CNTN5: variants seen among roughly 807,000 people sequenced by gnomAD.
CNTN5 encodes contactin-5.
A neutral mutation model predicts 129.1 loss-of-function variants in CNTN5; 77 were observed. That is an observed-to-expected ratio of 0.60 (90% CI 0.50 to 0.72). The LOEUF is 0.72. Among genes scored for constraint, CNTN5 ranks in the 30% least tolerant of loss-of-function variants. The pLI, the probability that CNTN5 is intolerant of heterozygous loss-of-function variation, is 0.00. For synonymous variants in CNTN5, 509 were observed against 465.6 expected, an observed-to-expected ratio of 1.09 and a Z score of -1.20; for missense variants, 1,478 against 1,328.8, an observed-to-expected ratio of 1.11 and a Z score of -1.75.
rs188029708 is a variant in CNTN5 at position 99,207,690 on chromosome 11, G to T, written c.-209-117656G>T. Among the ~76,000 whole-genome samples the T allele has an allele frequency of 3.5e-3, 532 of 152,120 alleles. 7 individuals carry two copies. Among genetic ancestry groups the T allele is most frequent in the African/African-American group, 0.012 (515 of 41,512 alleles). On this transcript the variant is annotated intron_variant, in intron 1 of 24. Coordinates refer to ENST00000524871, the MANE Select transcript of CNTN5 (RefSeq NM_014361.4). ...ATTGAAAACATCAAAAAATAATTTTGCTTATAACAAAATACAAACATTAAA... is the reference window on the plus strand; with the variant it reads ...ATTGAAAACATCAAAAAATAATTTTTCTTATAACAAAATACAAACATTAAA...
At chr11:99,685,556 A>G (rs1327588134) in intron 3 of CNTN5, among the ~76,000 whole-genome samples, 1 of 151,902 alleles carries the variant, frequency 6.6e-6, no homozygotes, top group African/African-American at 2.4e-5. Flanking sequence ...CTAATTTAAA[A>G]TTATTTTATC....
chr11:99,454,858 A>T (rs756710435), intron 2 of CNTN5, among the ~76,000 whole-genome samples: 1 of 152,088 alleles, frequency 6.6e-6, no homozygotes, highest in East Asian at 1.9e-4. Flanking sequence ...TATAAATCAC[A>T]GTCTATCTGT....
chr11:99,385,570 A>G (rs1208481740), intron 2 of CNTN5, among the ~76,000 whole-genome samples: 4 of 152,260 alleles, frequency 2.6e-5, no homozygotes, highest in Non-Finnish European at 5.9e-5. Flanking sequence ...TCAATAAAGT[A>G]TGACATAGTA....
chr11:99,582,831 G>A (rs895401291), intron 3 of CNTN5, among the ~76,000 whole-genome samples: 9 of 152,186 alleles, frequency 5.9e-5, no homozygotes, highest in African/African-American at 2.2e-4. Flanking sequence ...ACTCGTCAAA[G>A]TCATTCCCTG....
intron 1 of CNTN5, among the ~76,000 whole-genome samples, chr11:99,192,697 C>T (rs1322759927): frequency 1.3e-5 from 2 of 151,878 alleles, no homozygotes; most frequent in African/African-American, 2.4e-5. Flanking sequence ...TGAAGCTTAG[C>T]TAAAACATGC....
chr11:100,039,386 C>G (rs973327242), intron 9 of CNTN5, among the ~76,000 whole-genome samples: 27 of 152,150 alleles, frequency 1.8e-4, no homozygotes, highest in African/African-American at 6.5e-4. Flanking sequence ...ACCTTTCTCT[C>G]TGGTTGCCCT....
chr11:99,108,029 G>T (rs1450214295), intron 1 of CNTN5, among the ~76,000 whole-genome samples: 1 of 150,552 alleles, frequency 6.6e-6, no homozygotes, highest in African/African-American at 2.4e-5. Context: ...ACTGGACTAT[G>T]AATCGTTTGA....
chr11:99,908,445 A>T (rs1363983839), intron 6 of CNTN5, among the ~76,000 whole-genome samples: 4 of 151,868 alleles, frequency 2.6e-5, no homozygotes, highest in African/African-American at 9.7e-5. Context: ...ATCCTTTCAC[A>T]TTTTTCTTTT....
chr11:100,199,232 G>A (rs185790681), intron 15 of CNTN5, among the ~76,000 whole-genome samples: 19 of 151,394 alleles, frequency 1.3e-4, no homozygotes, highest in Middle Eastern at 3.4e-3. Context: ...AAGGCTCACA[G>A]TCTCTTAGAC....
intron 3 of CNTN5, among the ~76,000 whole-genome samples, chr11:99,748,733 A>G (rs1438985652): frequency 4.6e-5 from 7 of 152,176 alleles, no homozygotes. Context: ...CTAGCTCCAG[A>G]AGAAAGACTG....
intron 15 of CNTN5, among the ~76,000 whole-genome samples, chr11:100,205,705 A>G (rs1310344845): frequency 6.6e-6 from 1 of 152,006 alleles, no homozygotes; most frequent in African/African-American, 2.4e-5. Flanking sequence ...GTACAGTATA[A>G]CAACTATTTA....
At chr11:100,332,322 C>T (rs11534484) in intron 21 of CNTN5, among the ~76,000 whole-genome samples, 17,778 of 151,502 alleles carry the variant, frequency 0.12, 1,160 homozygotes, top group Middle Eastern at 0.17. Flanking sequence ...TAATGAGCAG[C>T]GAGATTAAAA....
At chr11:99,709,537 T>C (rs1373479825) in intron 3 of CNTN5, among the ~76,000 whole-genome samples, 1 of 151,834 alleles carries the variant, frequency 6.6e-6, no homozygotes, top group Admixed American at 6.6e-5. Context: ...TATATACATA[T>C]GTGCATAATT....
chr11:100,255,650 T>G, intron 16 of CNTN5, 110 bp from the exon 17 acceptor site: 1 of 905,610 alleles, frequency 1.1e-6, no homozygotes, highest in Non-Finnish European at 1.6e-6. Flanking sequence ...TAAATTCATA[T>G]TTCATTAAGG....
rs1158392250 is a variant in CNTN5 at position 99,889,350 on chromosome 11, G to T, written c.578-26704G>T. 4.7e-5 allele frequency among the ~76,000 whole-genome samples: 2 copies of T among 42,938 alleles called. 1 individual carries two copies. The highest frequency in any genetic ancestry group is 1.4e-4 in the African/African-American group (2 of 14,464). 28.2% of individuals were successfully genotyped at this position (42,938 alleles called of 152,430 possible). ...TGTGTGTGTGTGTGTGTGTGTGTGT[G>T]TGTGTGTATATATATCTCTCCATCA... On this transcript the variant is annotated intron_variant, in intron 6 of 24. Transcript: ENST00000524871.
At chr11:99,031,873 G>A (rs61891082) in intron 1 of CNTN5, among the ~76,000 whole-genome samples, 46,858 of 146,194 alleles carry the variant, frequency 0.32, 8,620 homozygotes, top group East Asian at 0.55. Context: ...CCATTAACTC[G>A]TCATCTAGCA....
intron 3 of CNTN5, among the ~76,000 whole-genome samples, chr11:99,719,317 C>T (rs888649768): frequency 1.3e-5 from 2 of 151,504 alleles, no homozygotes; most frequent in African/African-American, 2.4e-5. Context: ...GAGACTTTGT[C>T]GGGAAAAAGA....
chr11:100,151,987 T>C (rs1162084484), intron 13 of CNTN5, among the ~76,000 whole-genome samples: 1 of 152,156 alleles, frequency 6.6e-6, no homozygotes, highest in African/African-American at 2.4e-5. Context: ...TCTGCTAGTT[T>C]TTCTGAAACT....
At chr11:99,129,619 T>C (rs1252229778) in intron 1 of CNTN5, among the ~76,000 whole-genome samples, 3 of 151,956 alleles carry the variant, frequency 2.0e-5, no homozygotes, top group Non-Finnish European at 2.9e-5. Context: ...AGAAACCCAG[T>C]AAGATATTCC....
Sources: gnomAD v4.1 joint callset for allele counts (sites outside exome capture counted in the v4.1 genomes callset) on GRCh38, gnomAD v4.1.1 for gene constraint, MANE v1.5 for transcripts, NCBI Gene and HGNC (gene_info 2026-07-23, HGNC 2026-07-21) for gene names.